The following PTGFR variants were observed in gnomAD, a reference collection of about 807,000 sequenced individuals.
PTGFR encodes prostaglandin F receptor, also known as prostaglandin F2-alpha receptor.
PTGFR carries 15 observed loss-of-function variants against 26.2 expected under a neutral mutation model. The observed-to-expected ratio is 0.57, with a 90% CI of 0.38 to 0.88. The LOEUF (loss-of-function observed/expected upper bound fraction) is 0.88. PTGFR is among the 40% of genes least tolerant of loss of function. The probability of loss-of-function intolerance (pLI) is 0.00; values close to 1 mark genes in which losing one functional copy is unlikely to be tolerated. For missense variants in PTGFR, 369 were observed against 427.2 expected (o/e 0.86, Z 1.20); for synonymous variants, 165 against 151.1 (o/e 1.09, Z -0.68).
At position 78,493,546 on chromosome 1, in the gene PTGFR, G is replaced by A. The variant is rs745361508; in HGVS notation, c.798+5G>A. Reference sequence around the variant, plus strand: ...ATTTGTTGGAGCCCATTTCTGGTAAGAGCCTGAAGTTTTGACTTCTGCTTT... The same window carrying A: ...ATTTGTTGGAGCCCATTTCTGGTAAAAGCCTGAAGTTTTGACTTCTGCTTT... On this transcript the variant is annotated splice_donor_5th_base_variant and intron_variant, in intron 2 of 2. Transcript: ENST00000370757. 3.3e-6 allele frequency: 5 copies of A among 1,520,094 alleles called. No homozygotes were observed. Among genetic ancestry groups the A allele is most frequent in the Non-Finnish European group, 4.4e-6 (5 of 1,136,944 alleles). The allele number at this position is 1,520,094 out of a possible 1,614,324, so 94.2% of individuals were successfully genotyped here. A position where few individuals can be genotyped will look rare whatever the true frequency, so the allele number is the denominator to read the frequency against.
intron 2 of PTGFR, among the ~76,000 whole-genome samples, chr1:78,498,176 G>A (rs1649604874): frequency 6.6e-6 from 1 of 152,120 alleles, no homozygotes; most frequent in African/African-American, 2.4e-5. Flanking sequence ...GACAAATGAT[G>A]GAGTAACATG....
rs1248659039 is a variant in PTGFR at position 78,536,687 on chromosome 1, G to A, written c.1080G>A (p.Ter360=). The A allele has an allele frequency of 1.2e-6, 2 of 1,610,358 alleles. No homozygotes were observed. Among genetic ancestry groups the A allele is most frequent in the Admixed American group, 3.4e-5 (2 of 59,564 alleles). ...TTGCAGAGAAATCAGCAAGCACCTA[G>A]CTTAATAGGACAGTAAATCTGTGTG... is the stretch of plus-strand genomic sequence containing the variant. ...SPVAEKSAST[*] The change falls in exon 3 of 3, where the codon TAG becomes TAA. Residue 360 remains the stop codon, a stop_retained_variant. Coordinates refer to ENST00000370757, the MANE Select transcript of PTGFR (RefSeq NM_000959.4).
chr1:78,495,369 G>A (rs767212471), intron 2 of PTGFR, among the ~76,000 whole-genome samples: 7 of 152,176 alleles, frequency 4.6e-5, no homozygotes, highest in African/African-American at 1.2e-4. Context: ...GAAATTTCCC[G>A]AGTGTAATGG....
At position 78,536,635 on chromosome 1, in the gene PTGFR, A is replaced by G; in HGVS notation, c.1028A>G (p.Lys343Arg). Residue 343 changes from lysine to arginine, a missense_variant, in exon 3 of 3, where the codon AAG (lysine) becomes AGG (arginine). By Grantham distance (26) the Lys-to-Arg change is conservative. Coordinates refer to ENST00000370757, the MANE Select transcript of PTGFR (RefSeq NM_000959.4). ...CTTAGTTCCATTAAAAATTCCTTAA[A>G]GGTTGCTGCTATTTCTGAGTCACCA... ...WELSSIKNSL[K>R]VAAISESPVA... 1 of 1,613,118 alleles carries G rather than the reference A, an allele frequency of 6.2e-7. No individual in the cohort carries two copies. The highest frequency in any genetic ancestry group is 1.1e-5 in the South Asian group (1 of 91,030).
rs965215009 is a variant in PTGFR, at chr1:78,538,905, C to T, written c.*2218C>T. 2 of 151,882 alleles carry T rather than the reference C, an allele frequency of 1.3e-5. No individual in the cohort carries two copies. Among genetic ancestry groups the T allele is most frequent in the African/African-American group, 4.8e-5 (2 of 41,372 alleles). 9.4% of individuals were successfully genotyped at this position (151,882 alleles called of 1,614,324 possible). A position where few individuals can be genotyped will look rare whatever the true frequency, so the allele number is the denominator to read the frequency against. ...TGAACTGGGTAAGGCATTATCCAAG[C>T]AACTTCACATACTATTTAAACATGA... On this transcript the variant is annotated 3_prime_UTR_variant, in exon 3 of 3. Transcript: ENST00000370757.
At position 78,539,618 on chromosome 1, in the gene PTGFR, G is replaced by A. The variant is rs574948974; in HGVS notation, c.*2931G>A. On this transcript the variant is annotated 3_prime_UTR_variant, in exon 3 of 3. Coordinates refer to ENST00000370757, the MANE Select transcript of PTGFR (RefSeq NM_000959.4). ...GTATGTTGTGCTCTTCATACTTGTTGGATTGTATAGAGATTAAATAGTGAT... is the reference window on the plus strand; with the variant it reads ...GTATGTTGTGCTCTTCATACTTGTTAGATTGTATAGAGATTAAATAGTGAT... The A allele has an allele frequency of 6.6e-6, 1 of 152,490 alleles. No individual in the cohort carries two copies. Among genetic ancestry groups the A allele is most frequent in the Admixed American group, 6.6e-5 (1 of 15,230 alleles). 9.4% of individuals were successfully genotyped at this position (152,490 alleles called of 1,614,324 possible). A position where few individuals can be genotyped will look rare whatever the true frequency, so the allele number is the denominator to read the frequency against.
chr1:78,539,565 C>T lies in PTGFR; in HGVS notation c.*2878C>T, dbSNP rs907372498. 1.3e-5 allele frequency: 2 copies of T among 152,358 alleles called. No individual in the cohort carries two copies. Among genetic ancestry groups the T allele is most frequent in the African/African-American group, 4.8e-5 (2 of 41,386 alleles). 9.4% of individuals were successfully genotyped at this position (152,358 alleles called of 1,614,324 possible). ...TGGCACATTTTAATAGTAGATGAAACATGTTTTTCTTGGTTATGTGAATAA... is the reference window on the plus strand; with the variant it reads ...TGGCACATTTTAATAGTAGATGAAATATGTTTTTCTTGGTTATGTGAATAA... On this transcript the variant is annotated 3_prime_UTR_variant, in exon 3 of 3. Coordinates refer to ENST00000370757, the MANE Select transcript of PTGFR (RefSeq NM_000959.4).
intron 2 of PTGFR, among the ~76,000 whole-genome samples, chr1:78,532,570 C>G (rs575460351): frequency 1.0e-4 from 15 of 147,966 alleles, no homozygotes; most frequent in Non-Finnish European, 2.1e-4. Flanking sequence ...ACACATATAC[C>G]TTTTTGTTTT....
chr1:78,534,697 G>T (rs969792605), intron 2 of PTGFR, among the ~76,000 whole-genome samples: 13 of 150,060 alleles, frequency 8.7e-5, no homozygotes, highest in Non-Finnish European at 1.5e-4. Context: ...TACATATTTG[G>T]TTTTTTTTTC....
intron 2 of PTGFR, among the ~76,000 whole-genome samples, chr1:78,526,314 A>G (rs1650372271): frequency 6.6e-6 from 1 of 152,072 alleles, no homozygotes; most frequent in South Asian, 2.1e-4. Context: ...CTGAGATTTG[A>G]TGCATTTCTA....
At chr1:78,524,813 G>T (rs1650328758) in intron 2 of PTGFR, among the ~76,000 whole-genome samples, 1 of 145,310 alleles carries the variant, frequency 6.9e-6, no homozygotes. Context: ...CTAACCTTCT[G>T]TATCTTTCTA....
chr1:78,513,746 G>A (rs1650027079), intron 2 of PTGFR, among the ~76,000 whole-genome samples: 1 of 152,182 alleles, frequency 6.6e-6, no homozygotes, highest in African/African-American at 2.4e-5. Flanking sequence ...CATTTCAGAA[G>A]TCTTTGAGGC....
At chr1:78,508,714 C>A (rs1387606445) in intron 2 of PTGFR, among the ~76,000 whole-genome samples, 1 of 152,134 alleles carries the variant, frequency 6.6e-6, no homozygotes, top group East Asian at 1.9e-4. Flanking sequence ...AGTAAGAATG[C>A]AAAATGTAAA....
intron 2 of PTGFR, among the ~76,000 whole-genome samples, chr1:78,523,446 GA>G (rs944769544): frequency 3.3e-5 from 5 of 152,042 alleles, no homozygotes; most frequent in Non-Finnish European, 7.4e-5. Flanking sequence ...GAAGAAAAAG[GA>G]GAAATAATTC....
At position 78,536,545 on chromosome 1, in the gene PTGFR, A is replaced by C. The variant is rs141195581; in HGVS notation, c.938A>C (p.Lys313Thr). Residue 313 changes from lysine to threonine, a missense_variant, in exon 3 of 3, where the codon AAG becomes ACG. Coordinates refer to ENST00000370757, the MANE Select transcript of PTGFR (RefSeq NM_000959.4). ...VYILLRKAVL[K>T]NLYKLASQCC... ...ATTCTTCTACGAAAGGCTGTCCTTA[A>C]GAATCTCTATAAGCTTGCCAGTCAA... The C allele has an allele frequency of 3.7e-6, 6 of 1,613,346 alleles. No individual in the cohort carries two copies. The highest frequency in any genetic ancestry group is 3.4e-6 in the Non-Finnish European group (4 of 1,179,582).
chr1:78,493,577 G>T, intron 2 of PTGFR, 36 bp downstream of exon 2: 1 of 1,494,672 alleles, frequency 6.7e-7, no homozygotes, highest in Non-Finnish European at 8.9e-7. Flanking sequence ...GCTTTCTTGG[G>T]TTAATCCATG....
At chr1:78,501,684 T>A (rs1649709866) in intron 2 of PTGFR, among the ~76,000 whole-genome samples, 1 of 152,198 alleles carries the variant, frequency 6.6e-6, no homozygotes, top group Non-Finnish European at 1.5e-5. Flanking sequence ...TTTAGCTTTT[T>A]GTGCATAGTC....
At position 78,539,430 on chromosome 1, in the gene PTGFR, A is replaced by G. The variant is rs1175926370; in HGVS notation, c.*2743A>G. 2 of 152,416 alleles carry G rather than the reference A, an allele frequency of 1.3e-5. No individual in the cohort carries two copies. The highest frequency in any genetic ancestry group is 4.8e-5 in the African/African-American group (2 of 41,418). The allele number at this position is 152,416 out of a possible 1,614,324, so 9.4% of individuals were successfully genotyped here. A position where few individuals can be genotyped will look rare whatever the true frequency, so the allele number is the denominator to read the frequency against. ...TACCATCATTGTTCCAAATTAAATA[A>G]CTGTTTTGGGTCAGAATATAAATGC... is the stretch of plus-strand genomic sequence containing the variant. On this transcript the variant is annotated 3_prime_UTR_variant, in exon 3 of 3. Coordinates refer to ENST00000370757, the MANE Select transcript of PTGFR (RefSeq NM_000959.4).
intron 2 of PTGFR, among the ~76,000 whole-genome samples, chr1:78,510,170 C>G (rs147543655): frequency 6.6e-6 from 1 of 152,200 alleles, no homozygotes; most frequent in African/African-American, 2.4e-5. Context: ...TCCCTCTCCT[C>G]TAGAAGGCCA....
Sources: gnomAD v4.1 joint callset for allele counts (sites outside exome capture counted in the v4.1 genomes callset) on GRCh38, gnomAD v4.1.1 for gene constraint, MANE v1.5 for transcripts, NCBI Gene and HGNC (gene_info 2026-07-23, HGNC 2026-07-21) for gene names.